The following GRID2 variants were observed in gnomAD, a reference collection of about 807,000 sequenced individuals.
The protein encoded by GRID2 is glutamate ionotropic receptor delta type subunit 2.
In GRID2, 33 loss-of-function variants were observed where a neutral mutation model predicts 114.8. That is an observed-to-expected ratio of 0.29 (90% CI 0.22 to 0.38). The LOEUF (loss-of-function observed/expected upper bound fraction) is 0.38, where lower values mean the gene tolerates loss of function less well. Among genes scored for constraint, GRID2 ranks in the 10% least tolerant of loss-of-function variants. The pLI is 1.00. For synonymous variants in GRID2, 505 were observed against 449.9 expected (o/e 1.12, Z -1.55); for missense variants, 1,184 against 1,257.7 (o/e 0.94, Z 0.89).
At chr4:93,474,022 A>G (rs980637342) in intron 11 of GRID2, among the ~76,000 whole-genome samples, 6 of 152,170 alleles carry the variant, frequency 3.9e-5, no homozygotes, top group African/African-American at 1.4e-4. Context: ...TGAAAGTGCT[A>G]TTCACTAGCA....
intron 2 of GRID2, among the ~76,000 whole-genome samples, chr4:92,842,521 A>C (rs1247222341): frequency 6.6e-6 from 1 of 152,162 alleles, no homozygotes; most frequent in Admixed American, 6.6e-5. Context: ...AATGTTTCTA[A>C]AATTTGGGAA....
intron 2 of GRID2, among the ~76,000 whole-genome samples, chr4:92,763,071 A>G (rs952687351): frequency 6.6e-5 from 10 of 152,290 alleles, no homozygotes; most frequent in African/African-American, 1.7e-4. Flanking sequence ...GAGTATACAC[A>G]CTGCCAAGAC....
At chr4:93,457,135 A>T (rs911415369) in intron 11 of GRID2, among the ~76,000 whole-genome samples, 2 of 152,162 alleles carry the variant, frequency 1.3e-5, no homozygotes, top group African/African-American at 2.4e-5. Context: ...AGACACAAAC[A>T]TGTAAACACA....
At chr4:92,526,605 A>G (rs1725058529) in intron 1 of GRID2, among the ~76,000 whole-genome samples, 1 of 152,062 alleles carries the variant, frequency 6.6e-6, no homozygotes, top group Non-Finnish European at 1.5e-5. Context: ...CAGCTTCCCA[A>G]AGTGCTGGGA....
intron 14 of GRID2, among the ~76,000 whole-genome samples, chr4:93,735,327 T>G (rs1410944451): frequency 6.6e-6 from 1 of 152,054 alleles, no homozygotes; most frequent in African/African-American, 2.4e-5. Flanking sequence ...GACTTTTTCT[T>G]TTTTGTCATT....
chr4:92,659,546 A>G (rs886915088), intron 2 of GRID2, among the ~76,000 whole-genome samples: 2 of 151,634 alleles, frequency 1.3e-5, no homozygotes, highest in Non-Finnish European at 3.0e-5. Context: ...TATATAAACA[A>G]AAATCATAAT....
chr4:92,806,416 T>A (rs537913752), intron 2 of GRID2, among the ~76,000 whole-genome samples: 1 of 152,078 alleles, frequency 6.6e-6, no homozygotes, highest in South Asian at 2.1e-4. Flanking sequence ...GTTCCAAAAC[T>A]GACATAGGTG....
At chr4:93,592,443 C>G (rs1054986986) in intron 13 of GRID2, among the ~76,000 whole-genome samples, 1 of 152,018 alleles carries the variant, frequency 6.6e-6, no homozygotes, top group Non-Finnish European at 1.5e-5. Context: ...AATTTCTGTT[C>G]TTTTACATTT....
chr4:93,360,566 CTG>C (rs1322021540), intron 8 of GRID2, among the ~76,000 whole-genome samples: 1 of 151,634 alleles, frequency 6.6e-6, no homozygotes, highest in Non-Finnish European at 1.5e-5. Flanking sequence ...AAATATATAT[CTG>C]TTATTAATTT....
intron 2 of GRID2, among the ~76,000 whole-genome samples, chr4:92,708,875 C>A (rs1735076737): frequency 6.6e-6 from 1 of 152,072 alleles, no homozygotes; most frequent in Admixed American, 6.6e-5. Context: ...TGAGATCACA[C>A]CATTGCAGTC....
At chr4:93,635,502 C>T (rs76684233) in intron 14 of GRID2, among the ~76,000 whole-genome samples, 1 of 151,676 alleles carries the variant, frequency 6.6e-6, no homozygotes, top group African/African-American at 2.4e-5. Flanking sequence ...TAATACACAT[C>T]TATTTAGATA....
chr4:93,337,663 C>T (rs1759227061), intron 8 of GRID2, among the ~76,000 whole-genome samples: 1 of 152,038 alleles, frequency 6.6e-6, no homozygotes, highest in Non-Finnish European at 1.5e-5. Context: ...TGGTCATAAA[C>T]AAAAAAGTAG....
chr4:92,421,791 C>T (rs919784198), intron 1 of GRID2, among the ~76,000 whole-genome samples: 15 of 151,992 alleles, frequency 9.9e-5, no homozygotes, highest in African/African-American at 3.4e-4. Context: ...CAACTCTAAT[C>T]CAGAACTATA....
chr4:92,313,081 ATG>A (rs144557382), intron 1 of GRID2, among the ~76,000 whole-genome samples: 18,780 of 145,000 alleles, frequency 0.13, 1,322 homozygotes, highest in Admixed American at 0.23. Flanking sequence ...AAACTCTGAT[ATG>A]TGTGTGTGTG....
chr4:92,353,180 A>C (rs1728154158), intron 1 of GRID2, among the ~76,000 whole-genome samples: 1 of 151,362 alleles, frequency 6.6e-6, no homozygotes, highest in South Asian at 2.1e-4. Context: ...TATTTTTTAT[A>C]ATTTTTATCT....
At chr4:93,538,236 A>G (rs1337485163) in intron 13 of GRID2, among the ~76,000 whole-genome samples, 2 of 151,696 alleles carry the variant, frequency 1.3e-5, no homozygotes, top group African/African-American at 2.4e-5. Flanking sequence ...AAAGTGCTCA[A>G]ATAACAAAAG....
At chr4:92,956,767 C>T (rs1752438623) in intron 2 of GRID2, among the ~76,000 whole-genome samples, 2 of 152,270 alleles carry the variant, frequency 1.3e-5, no homozygotes, top group Admixed American at 6.5e-5. Flanking sequence ...TTTGCATTCC[C>T]AGTGGTAATG....
chr4:93,016,671 A>G (rs1722774288), intron 2 of GRID2, among the ~76,000 whole-genome samples: 1 of 152,170 alleles, frequency 6.6e-6, no homozygotes, highest in Admixed American at 6.5e-5. Context: ...CAAAGTGAAA[A>G]TGGGAGCAGC....
intron 4 of GRID2, among the ~76,000 whole-genome samples, chr4:93,180,163 A>G (rs1739750073): frequency 6.6e-6 from 1 of 152,022 alleles, no homozygotes; most frequent in African/African-American, 2.4e-5. Context: ...AAAAAGTTCA[A>G]TATTTTTCTT....
Sources: gnomAD v4.1 joint callset for allele counts (sites outside exome capture counted in the v4.1 genomes callset) on GRCh38, gnomAD v4.1.1 for gene constraint, MANE v1.5 for transcripts, NCBI Gene and HGNC (gene_info 2026-07-23, HGNC 2026-07-21) for gene names.